Variants in CEP112 observed in about 807,000 individuals in gnomAD.
CEP112 encodes the protein centrosomal protein of 112 kDa.
In CEP112, 127 loss-of-function variants were observed where a neutral mutation model predicts 153.0. That is an observed-to-expected ratio of 0.83 (90% CI 0.72 to 0.96). The LOEUF (loss-of-function observed/expected upper bound fraction) is 0.96, where lower values mean the gene tolerates loss of function less well. CEP112 is among the 40% of genes least tolerant of loss of function. CEP112 has a pLI of 0.00. For missense variants in CEP112, 1,089 were observed against 1,101.2 expected (o/e 0.99, Z 0.16); for synonymous variants, 358 against 374.4 (o/e 0.96, Z 0.51).
At chr17:65,692,818 A>C (rs1457038076) in intron 23 of CEP112, among the ~76,000 whole-genome samples, 1 of 152,154 alleles carries the variant, frequency 6.6e-6, no homozygotes, top group African/African-American at 2.4e-5. Context: ...GTGCCAAGCC[A>C]GCTCAATGCC....
At chr17:65,719,203 G>C (rs1266313014) in intron 23 of CEP112, among the ~76,000 whole-genome samples, 1 of 152,212 alleles carries the variant, frequency 6.6e-6, no homozygotes, top group Non-Finnish European at 1.5e-5. Flanking sequence ...GGGCCAGTGG[G>C]AGGTGCAACA....
At chr17:66,119,667 A>G (rs1237589141) in intron 6 of CEP112, among the ~76,000 whole-genome samples, 1 of 152,224 alleles carries the variant, frequency 6.6e-6, no homozygotes, top group East Asian at 1.9e-4. Flanking sequence ...TTGAACAATT[A>G]CCAGAAAAGA....
chr17:65,996,897 G>C (rs1430036128), intron 17 of CEP112, among the ~76,000 whole-genome samples: 1 of 152,092 alleles, frequency 6.6e-6, no homozygotes, highest in African/African-American at 2.4e-5. Context: ...CTTACATGGA[G>C]AATACTTTTT....
chr17:65,724,275 A>G (rs553270810), intron 23 of CEP112, among the ~76,000 whole-genome samples: 48 of 152,302 alleles, frequency 3.2e-4, no homozygotes, highest in African/African-American at 1.2e-3. Flanking sequence ...ATTTTTGCCA[A>G]TTACATACAC....
chr17:66,000,808 C>T (rs1286452574), intron 17 of CEP112, among the ~76,000 whole-genome samples: 11 of 152,170 alleles, frequency 7.2e-5, no homozygotes, highest in East Asian at 5.8e-4. Context: ...ACCCAAGCAT[C>T]GTTGATGTTC....
chr17:65,974,066 TC>T (rs1160283369), intron 17 of CEP112, among the ~76,000 whole-genome samples: 2 of 151,940 alleles, frequency 1.3e-5, no homozygotes, highest in Non-Finnish European at 1.5e-5. Flanking sequence ...CTAAAAGGCT[TC>T]GCTGTTTTCT....
At chr17:65,949,814 T>C (rs188388876) in intron 18 of CEP112, among the ~76,000 whole-genome samples, 1 of 152,292 alleles carries the variant, frequency 6.6e-6, no homozygotes, top group Admixed American at 6.5e-5. Context: ...AACATCCTCA[T>C]TTTGTCTGGA....
intron 24 of CEP112, among the ~76,000 whole-genome samples, chr17:65,660,830 G>A (rs181322575): frequency 7.6e-4 from 115 of 152,154 alleles, no homozygotes; most frequent in Middle Eastern, 3.4e-3. Context: ...CCACAGCGCC[G>A]CCTGGCCATA....
intron 2 of CEP112, among the ~76,000 whole-genome samples, chr17:66,180,421 C>A (rs1395469984): frequency 6.6e-6 from 1 of 151,948 alleles, no homozygotes; most frequent in East Asian, 1.9e-4. Flanking sequence ...AAAAATCTTT[C>A]TATAATTTTA....
chr17:65,826,835 A>G (rs2146076155), intron 21 of CEP112, among the ~76,000 whole-genome samples: 1 of 152,332 alleles, frequency 6.6e-6, no homozygotes, highest in African/African-American at 2.4e-5. Flanking sequence ...ACTGAGTGTC[A>G]ACTTGACTGG....
chr17:65,690,535 A>C (rs1019593412), intron 23 of CEP112, among the ~76,000 whole-genome samples: 2 of 151,992 alleles, frequency 1.3e-5, no homozygotes, highest in African/African-American at 4.8e-5. Flanking sequence ...TGATGAGTGC[A>C]GAAGAAAAAT....
At chr17:65,877,399 CTG>C (rs1358972825) in intron 20 of CEP112, among the ~76,000 whole-genome samples, 2 of 134,022 alleles carry the variant, frequency 1.5e-5, no homozygotes, top group Non-Finnish European at 1.7e-5. Flanking sequence ...TGGGACAACT[CTG>C]TGTACATTCT....
rs1343540128 is a variant in CEP112 at position 66,063,161 on chromosome 17, A to T, written c.956-80T>A. The T allele has an allele frequency of 1.3e-5, 7 of 530,850 alleles. No individual in the cohort carries two copies. In the Admixed American group the frequency reaches 2.5e-4, roughly 19 times the overall value. 32.9% of individuals were successfully genotyped at this position (530,850 alleles called of 1,614,324 possible). A position where few individuals can be genotyped will look rare whatever the true frequency, so the allele number is the denominator to read the frequency against. ...TGATATAAAATTTAGTGCACCAGTT[A>T]GTAGGTAATTCAATTTTTCACCAAG... On this transcript the variant is annotated intron_variant, in intron 10 of 26. Transcript: ENST00000535342.
intron 21 of CEP112, among the ~76,000 whole-genome samples, chr17:65,838,248 T>C (rs2057396177): frequency 6.6e-6 from 1 of 152,152 alleles, no homozygotes; most frequent in Admixed American, 6.5e-5. Flanking sequence ...ATAGACTACA[T>C]ATTAGGTCAC....
chr17:65,958,038 A>G (rs1197647147), intron 18 of CEP112, among the ~76,000 whole-genome samples: 1 of 152,180 alleles, frequency 6.6e-6, no homozygotes, highest in East Asian at 1.9e-4. Flanking sequence ...CCTTTTCAAA[A>G]AATCAATTAA....
At chr17:66,127,558 C>G (rs2069906883) in intron 6 of CEP112, among the ~76,000 whole-genome samples, 2 of 151,954 alleles carry the variant, frequency 1.3e-5, no homozygotes, top group Admixed American at 1.3e-4. Flanking sequence ...AATTTCCTAT[C>G]CATTTCCCAA....
At chr17:66,026,291 A>C (rs909157659) in intron 16 of CEP112, among the ~76,000 whole-genome samples, 7 of 152,302 alleles carry the variant, frequency 4.6e-5, no homozygotes, top group Admixed American at 1.3e-4. Flanking sequence ...AATTTTAAAA[A>C]TAAATCTATA....
intron 11 of CEP112, 95 bp from the exon 12 acceptor site, chr17:66,053,974 A>G (rs894047763): frequency 2.2e-6 from 2 of 897,374 alleles, no homozygotes; most frequent in Non-Finnish European, 3.3e-6. Context: ...TCCTCTATTT[A>G]TATATATGAT....
In CEP112 at chr17:66,175,075, T is replaced by C. The variant is rs766962362; in HGVS notation, c.439A>G (p.Thr147Ala). 15 of 1,611,982 alleles carry C rather than the reference T, an allele frequency of 9.3e-6. No individual in the cohort carries two copies. The highest frequency in any genetic ancestry group is 1.3e-5 in the African/African-American group (1 of 74,820). Residue 147 changes from threonine to alanine, a missense_variant, in exon 4 of 27, where the codon ACT (threonine) becomes GCT (alanine). Coordinates refer to ENST00000535342, the MANE Select transcript of CEP112 (RefSeq NM_001199165.4). ...SWKLSSGEDN[T>A]LVQSPTDVYS... ...ACATCAGTTGGCGACTGTACTAAAG[T>C]GTTATCTTCTCCAGAAGAGAGTTTC...
Sources: allele counts gnomAD v4.1 joint callset (sites outside exome capture counted in the v4.1 genomes callset), GRCh38; gene constraint gnomAD v4.1.1; transcripts MANE v1.5; gene names NCBI Gene and HGNC (gene_info 2026-07-23, HGNC 2026-07-21).